The following UPF1 variants were observed in gnomAD, a reference collection of about 807,000 sequenced individuals.
UPF1 encodes the protein regulator of nonsense transcripts 1.
A neutral mutation model predicts 129.2 loss-of-function variants in UPF1; 9 were observed. The observed-to-expected ratio is 0.07, with a 90% confidence interval of 0.04 to 0.12. The LOEUF (loss-of-function observed/expected upper bound fraction) is 0.12. UPF1 is among the 10% of genes least tolerant of loss of function. UPF1 has a pLI of 1.00. For synonymous variants in UPF1, 649 were observed against 644.9 expected (o/e 1.01, Z -0.10); for missense variants, 788 against 1,525.3 (o/e 0.52, Z 8.05).
Position 18,850,635 on chromosome 19 carries a change from T to C in UPF1, c.630-53T>C. ...CAGCATGGGAGGGGGCCCTCCCTGC[T>C]CCGGGGCTTCAGGGACGGGAGCTGG... On this transcript the variant is annotated intron_variant, in intron 4 of 23. Coordinates refer to ENST00000262803, the MANE Select transcript of UPF1 (RefSeq NM_002911.4). The surrounding 1 kb of genome is among the most constrained non-coding windows in gnomAD (Gnocchi z 7.1). The C allele has an allele frequency of 6.7e-7, 1 of 1,496,408 alleles. No individual in the cohort carries two copies. The allele number at this position is 1,496,408 out of a possible 1,614,324, so 92.7% of individuals were successfully genotyped here. A position where few individuals can be genotyped will look rare whatever the true frequency, so the allele number is the denominator to read the frequency against.
At chr19:18,846,144 G>A in intron 2 of UPF1, 25 bp downstream of exon 2, 3 of 1,613,108 alleles carry the variant, frequency 1.9e-6, no homozygotes, top group Non-Finnish European at 2.5e-6. Context: ...GCTGGGCCTG[G>A]GCATGTGCTG....
chr19:18,859,195 C>A (rs12460303), intron 15 of UPF1, among the ~76,000 whole-genome samples: 1 of 152,214 alleles, frequency 6.6e-6, no homozygotes, highest in Non-Finnish European at 1.5e-5. Context: ...AGGCGTGGCT[C>A]GGCGCAGGCT....
chr19:18,856,262 C>T lies in UPF1; in HGVS notation c.1786C>T (p.Arg596Trp), dbSNP rs1165210352. ...ELSSADEKRY[R>W]ALKRTAEREL... is the part of the protein sequence containing the mutation. ...GTCGTCTGCCGACGAGAAGCGGTAC[C>T]GGGCCTTGAAGCGCACCGCAGAGAG... The change falls in exon 13 of 24, where the codon CGG (arginine) becomes TGG (tryptophan). Residue 596 changes from arginine (R) to tryptophan (W), a missense_variant. Physicochemically the swap from Arg to Trp is moderately radical, Grantham distance 101 (BLOSUM62 -3). This residue lies in a region of UPF1 where 91 missense variants were observed against 157.2 expected (regional missense o/e 0.58). Coordinates refer to ENST00000262803, the MANE Select transcript of UPF1 (RefSeq NM_002911.4). 2.5e-6 allele frequency: 4 copies of T among 1,607,258 alleles called. No homozygotes were observed. Among genetic ancestry groups the T allele is most frequent in the Admixed American group, 3.3e-5 (2 of 59,824 alleles).
rs150974261 is a variant in UPF1 at position 18,851,553 on chromosome 19, TC to T, written c.811-579del. On this transcript the variant is annotated intron_variant, in intron 5 of 23. Coordinates refer to ENST00000262803, the MANE Select transcript of UPF1 (RefSeq NM_002911.4). The surrounding 1 kb of genome is among the most constrained non-coding windows in gnomAD (Gnocchi z 4.2). Reference sequence around the variant, plus strand: ...TCCGGTTGCCAGATGATTTCATGATTCCCGTTTATATCTGAACAGCCCAGAA... The same window carrying T: ...TCCGGTTGCCAGATGATTTCATGATTCCGTTTATATCTGAACAGCCCAGAA... Among the ~76,000 whole-genome samples, 1,525 of 152,288 alleles carry T rather than the reference TC, an allele frequency of 0.01. 38 individuals are homozygous for T. The highest frequency in any genetic ancestry group is 0.035 in the African/African-American group (1,452 of 41,530).
intron 18 of UPF1, 85 bp downstream of exon 18, chr19:18,862,237 C>T: frequency 6.4e-7 from 1 of 1,561,864 alleles, no homozygotes; most frequent in South Asian, 1.2e-5. Context: ...TGGGGGTTGC[C>T]AGGGCCAGAG....
chr19:18,844,415 C>T (rs2055576832), intron 1 of UPF1, among the ~76,000 whole-genome samples: 1 of 151,848 alleles, frequency 6.6e-6, no homozygotes, highest in Non-Finnish European at 1.5e-5. Context: ...CCTGCGCCTC[C>T]TGGGTTCAAG....
Position 18,856,260 on chromosome 19 carries a change from A to C in UPF1, c.1784A>C (p.Tyr595Ser). ...GELSSADEKR[Y>S]RALKRTAERE... ...CTGTCGTCTGCCGACGAGAAGCGGTACCGGGCCTTGAAGCGCACCGCAGAG... is the reference window on the plus strand; with the variant it reads ...CTGTCGTCTGCCGACGAGAAGCGGTCCCGGGCCTTGAAGCGCACCGCAGAG... Residue 595 changes from tyrosine to serine, a missense_variant, in exon 13 of 24, where the codon TAC (tyrosine) becomes TCC (serine). Tyr to Ser is a moderately radical substitution (Grantham distance 144, BLOSUM62 -2). This residue lies in a region of UPF1 where 91 missense variants were observed against 157.2 expected (regional missense o/e 0.58). Transcript: ENST00000262803. The C allele has an allele frequency of 6.2e-7, 1 of 1,607,778 alleles. No individual in the cohort carries two copies. Among genetic ancestry groups the C allele is most frequent in the Non-Finnish European group, 8.5e-7 (1 of 1,175,092 alleles).
Position 18,865,894 on chromosome 19 carries a change from C to A in UPF1, c.3237+116C>A. ...TGGCCCATGTCCACTGTCTGAATTA[C>A]CTGTCCCTGGGCTGGGGTCATCAGA... On this transcript the variant is annotated intron_variant, in intron 22 of 23. Coordinates refer to ENST00000262803, the MANE Select transcript of UPF1 (RefSeq NM_002911.4). This position sits in a 1 kb window ranked among gnomAD's most constrained non-coding sequence, Gnocchi z 6.1. The A allele has an allele frequency of 1.3e-6, 2 of 1,571,236 alleles. No homozygotes were observed. The highest frequency in any genetic ancestry group is 1.7e-6 in the Non-Finnish European group (2 of 1,156,902).
chr19:18,862,161 G>A lies in UPF1; in HGVS notation c.2600+9G>A, dbSNP rs370230068. The A allele has an allele frequency of 1.4e-5, 22 of 1,612,328 alleles. No homozygotes were observed. The highest frequency in any genetic ancestry group is 1.9e-5 in the Non-Finnish European group (22 of 1,179,132). ...GCCCTGACCAGAGCAAGGTAGGGAG[G>A]CTGCCTGCTGCATGCTGCCCAGCCG... On this transcript the variant is annotated intron_variant, in intron 18 of 23. Coordinates refer to ENST00000262803, the MANE Select transcript of UPF1 (RefSeq NM_002911.4).
In UPF1 at chr19:18,860,433, G is replaced by A. The variant is rs1260593837; in HGVS notation, c.2295G>A (p.Leu765=). 2 of 1,613,960 alleles carry A rather than the reference G, an allele frequency of 1.2e-6. No individual in the cohort carries two copies. The highest frequency in any genetic ancestry group is 1.3e-5 in the African/African-American group (1 of 75,040). The part of the protein sequence containing the change: ...EEIASSGTSY[L]NRTEAANVEK... The stretch of plus-strand genomic sequence containing the variant: ...TTGCCAGCTCGGGCACCTCCTACCT[G>A]AACAGGTGAGCAGGGACAGGCCCAC... The change falls in exon 16 of 24, where the codon CTG becomes CTA. Residue 765 remains leucine, a synonymous_variant. Transcript: ENST00000262803.
chr19:18,848,200 C>T (rs571017991), intron 3 of UPF1: 1 of 268,494 alleles, frequency 3.7e-6, no homozygotes, highest in Non-Finnish European at 7.4e-6. Flanking sequence ...AGCAAGCTTG[C>T]TCTGGCCTGA....
At position 18,832,386 on chromosome 19, in the gene UPF1, GGGAGGCCCGGGC is replaced by G. The variant is rs2055436435; in HGVS notation, c.180_191del (p.Gly61_Gly64del). On this transcript the variant is annotated inframe_deletion, in exon 1 of 24. Coordinates refer to ENST00000262803, the MANE Select transcript of UPF1 (RefSeq NM_002911.4). The surrounding 1 kb of genome is among the most constrained non-coding windows in gnomAD (Gnocchi z 5.6). ...CCGGCGGCCCGGGCGGTGGCGGCGC[GGGAGGCCCGGGC>G]GGCGCGGGCGCGGGCGCTGCGGCGG... is the stretch of plus-strand genomic sequence containing the variant. 1 of 1,111,670 alleles carries G rather than the reference GGGAGGCCCGGGC, an allele frequency of 9.0e-7. No homozygotes were observed. The highest frequency in any genetic ancestry group is 1.1e-6 in the Non-Finnish European group (1 of 907,400). 68.9% of individuals were successfully genotyped at this position (1,111,670 alleles called of 1,614,324 possible). A position where few individuals can be genotyped will look rare whatever the true frequency, so the allele number is the denominator to read the frequency against.
At position 18,850,682 on chromosome 19, in the gene UPF1, C is replaced by G. The variant is rs1441547832; in HGVS notation, c.630-6C>G. 1 of 1,570,266 alleles carries G rather than the reference C, an allele frequency of 6.4e-7. No individual in the cohort carries two copies. The highest frequency in any genetic ancestry group is 2.3e-5 in the East Asian group (1 of 43,894). ...CTGGTCCTCACGGCCCCCTCCCGCT[C>G]TGCAGGCAGCCCTGTGCCAGCCAGA... On this transcript the variant is annotated splice_polypyrimidine_tract_variant and splice_region_variant and intron_variant, in intron 4 of 23. Transcript: ENST00000262803. This position sits in a 1 kb window ranked among gnomAD's most constrained non-coding sequence, Gnocchi z 7.1.
chr19:18,854,565 C>G (rs774889466), intron 8 of UPF1, 36 bp from the exon 9 acceptor site: 8 of 1,566,764 alleles, frequency 5.1e-6, no homozygotes, highest in African/African-American at 1.4e-5. Flanking sequence ...GTCAGCCCGG[C>G]TTTTGACAAG....
At chr19:18,860,538 T>C in intron 16 of UPF1, 100 bp downstream of exon 16, 1 of 1,202,006 alleles carries the variant, frequency 8.3e-7, no homozygotes. Context: ...TGAAACTTTT[T>C]TTGCCTTCAT....
intron 15 of UPF1, among the ~76,000 whole-genome samples, chr19:18,859,185 A>G (rs572197383): frequency 2.0e-5 from 3 of 152,350 alleles, no homozygotes; most frequent in South Asian, 4.1e-4. Context: ...TGGCTGGGAA[A>G]GGCGTGGCTC....
In UPF1 at chr19:18,864,338, C is replaced by T. The variant is rs1325916662; in HGVS notation, c.2857+87C>T. The T allele has an allele frequency of 2.8e-5, 36 of 1,265,962 alleles. No individual in the cohort carries two copies. The Admixed American group carries it at 6.9e-4, about 24-fold the overall frequency. 78.4% of individuals were successfully genotyped at this position (1,265,962 alleles called of 1,614,324 possible). ...CCCATGGCTGCAGCTTTAGGTGCCCCCATCTTTCCTTCCCCTCAAGGGCGG... is the reference window on the plus strand; with the variant it reads ...CCCATGGCTGCAGCTTTAGGTGCCCTCATCTTTCCTTCCCCTCAAGGGCGG... On this transcript the variant is annotated intron_variant, in intron 20 of 23. Coordinates refer to ENST00000262803, the MANE Select transcript of UPF1 (RefSeq NM_002911.4).
intron 15 of UPF1, 85 bp from the exon 16 acceptor site, chr19:18,860,236 C>T (rs914265534): frequency 1.8e-5 from 25 of 1,369,284 alleles, no homozygotes; most frequent in Admixed American, 3.4e-5. Context: ...AGCACTGTAG[C>T]GTAGCAACTA....
At chr19:18,833,933 T>TA (rs1302473330) in intron 1 of UPF1, among the ~76,000 whole-genome samples, 1 of 152,172 alleles carries the variant, frequency 6.6e-6, no homozygotes, top group Non-Finnish European at 1.5e-5. Flanking sequence ...CCATATTCCT[T>TA]AAAATAGAAG....
Sources: allele counts gnomAD v4.1 joint callset (sites outside exome capture counted in the v4.1 genomes callset), GRCh38; gene constraint gnomAD v4.1.1; regional missense constraint gnomAD v4.1.1; non-coding constraint Gnocchi (gnomAD v3.1); transcripts MANE v1.5; gene names NCBI Gene and HGNC (gene_info 2026-07-23, HGNC 2026-07-21).